The following P3H2 variants were observed in gnomAD, a reference collection of about 807,000 sequenced individuals.
P3H2 encodes leprecan-like 1.
A neutral mutation model predicts 87.0 loss-of-function variants in P3H2; 80 were observed. That is an observed-to-expected ratio of 0.92 (90% CI 0.77 to 1.11). The LOEUF is 1.11. Among genes scored for constraint, P3H2 ranks in the 50% least tolerant of loss-of-function variants. The pLI, the probability that P3H2 is intolerant of heterozygous loss-of-function variation, is 0.00. For missense variants in P3H2, 1,001 were observed against 923.9 expected (o/e 1.08, Z -1.08); for synonymous variants, 367 against 359.3 (o/e 1.02, Z -0.24).
At chr3:190,113,229 C>T (rs1262842437) in intron 1 of P3H2, among the ~76,000 whole-genome samples, 1 of 152,186 alleles carries the variant, frequency 6.6e-6, no homozygotes, top group African/African-American at 2.4e-5. Flanking sequence ...CTGGGCCAAG[C>T]TCCATTTGCT....
intron 1 of P3H2, among the ~76,000 whole-genome samples, chr3:190,007,792 T>A (rs536497751): frequency 5.8e-4 from 82 of 141,762 alleles, no homozygotes; most frequent in African/African-American, 1.9e-3. Context: ...CACATTTCTT[T>A]AGGATACAGC....
chr3:189,989,060 G>A (rs774131430), intron 3 of P3H2, 22 bp from the exon 4 acceptor site: 23 of 1,613,714 alleles, frequency 1.4e-5, no homozygotes, highest in Admixed American at 5.0e-5. Context: ...GAGCCAATAC[G>A]TGTGTTCCTC....
In P3H2 at chr3:190,120,638, G is replaced by A. The variant is rs761648961; in HGVS notation, c.94C>T (p.Arg32Trp). 7.2e-6 allele frequency: 11 copies of A among 1,529,938 alleles called. No homozygotes were observed. The African/African-American group carries it at 9.8e-5, about 14-fold the overall frequency. The allele number at this position is 1,529,938 out of a possible 1,614,324, so 94.8% of individuals were successfully genotyped here. The part of the protein sequence containing the change: ...LWGGPPDSPR[R>W]ELELEPGPLQ... ...GGCCCGGGCTCCAGCTCCAGCTCCC[G>A]GCGTGGGCTGTCCGGGGGGCCGCCC... The change falls in exon 1 of 15, where the codon CGG becomes TGG. Residue 32 changes from arginine (R) to tryptophan (W), a missense_variant. Physicochemically the swap from Arg to Trp is moderately radical, Grantham distance 101. Transcript: ENST00000319332.
In P3H2 at chr3:189,970,902, G is replaced by A. The variant is rs766706242; in HGVS notation, c.1818-11C>T. On this transcript the variant is annotated splice_polypyrimidine_tract_variant and intron_variant, in intron 12 of 14. Coordinates refer to ENST00000319332, the MANE Select transcript of P3H2 (RefSeq NM_018192.4). ...ATATATAGGAGAGCACTATAAGAAT[G>A]AAGAGAAAACTATTTGTATTATTAT... The A allele has an allele frequency of 7.6e-6, 11 of 1,446,736 alleles. No homozygotes were observed. The Middle Eastern group carries it at 8.8e-4, about 115-fold the overall frequency. The allele number at this position is 1,446,736 out of a possible 1,614,324, so 89.6% of individuals were successfully genotyped here.
chr3:190,010,228 C>T (rs1409342061), intron 1 of P3H2, among the ~76,000 whole-genome samples: 2 of 152,056 alleles, frequency 1.3e-5, no homozygotes, highest in African/African-American at 4.8e-5. Context: ...CCCAATTTTG[C>T]AAATAAGAAG....
chr3:189,956,824 A>G lies in P3H2; in HGVS notation c.*1088T>C. ...GGAGGGGCCCCCAAAATATAAGCAG[A>G]TGACGGTTAAAATCAATCAGAAATT... is the stretch of plus-strand genomic sequence containing the variant. On this transcript the variant is annotated 3_prime_UTR_variant, in exon 15 of 15. Coordinates refer to ENST00000319332, the MANE Select transcript of P3H2 (RefSeq NM_018192.4). 3.4e-6 allele frequency: 1 copy of G among 295,226 alleles called. No homozygotes were observed. Among genetic ancestry groups the G allele is most frequent in the Non-Finnish European group, 6.2e-6 (1 of 161,404 alleles). The allele number at this position is 295,226 out of a possible 1,614,324, so 18.3% of individuals were successfully genotyped here. A position where few individuals can be genotyped will look rare whatever the true frequency, so the allele number is the denominator to read the frequency against.
At chr3:190,071,354 T>G (rs1212899834) in intron 1 of P3H2, among the ~76,000 whole-genome samples, 1 of 152,238 alleles carries the variant, frequency 6.6e-6, no homozygotes, top group East Asian at 1.9e-4. Flanking sequence ...GAATTAAAAC[T>G]TAAAATATGT....
intron 7 of P3H2, chr3:189,983,361 C>T (rs1723596045): frequency 1.8e-6 from 1 of 552,504 alleles, no homozygotes; most frequent in Non-Finnish European, 3.2e-6. Context: ...TTCTTAGCAA[C>T]CTTTATTACA....
At chr3:189,995,473 G>C (rs760040277) in intron 1 of P3H2, 31 bp from the exon 2 acceptor site, 1 of 1,604,788 alleles carries the variant, frequency 6.2e-7, no homozygotes, top group Non-Finnish European at 8.5e-7. Flanking sequence ...CCAAAATGAA[G>C]GCAAATATTT....
chr3:189,966,296 T>C (rs1723005059), intron 13 of P3H2, among the ~76,000 whole-genome samples: 1 of 152,226 alleles, frequency 6.6e-6, no homozygotes, highest in Non-Finnish European at 1.5e-5. Context: ...CATTTGCCAA[T>C]GTTTCTATGT....
intron 1 of P3H2, among the ~76,000 whole-genome samples, chr3:190,037,890 G>A (rs977064926): frequency 2.2e-5 from 3 of 134,720 alleles, no homozygotes; most frequent in African/African-American, 5.7e-5. Context: ...TAACAATATC[G>A]ATAAGCCATC....
intron 9 of P3H2, 73 bp downstream of exon 9, chr3:189,974,485 G>C: frequency 6.3e-7 from 1 of 1,593,164 alleles, no homozygotes; most frequent in Non-Finnish European, 8.6e-7. Flanking sequence ...CTCCAGATGA[G>C]ACCAGGACCA....
At chr3:189,966,081 AG>A (rs1337655310) in intron 13 of P3H2, among the ~76,000 whole-genome samples, 2 of 133,150 alleles carry the variant, frequency 1.5e-5, no homozygotes, top group Non-Finnish European at 3.2e-5. Flanking sequence ...AAGGAAAGAA[AG>A]GAAGAAAGAA....
At chr3:190,054,427 G>GA (rs995103802) in intron 1 of P3H2, among the ~76,000 whole-genome samples, 38 of 146,504 alleles carry the variant, frequency 2.6e-4, no homozygotes, top group African/African-American at 6.0e-4. Context: ...GTGGTAGAGA[G>GA]AAAAAAAAAA....
chr3:190,061,114 A>G (rs1197154238), intron 1 of P3H2, among the ~76,000 whole-genome samples: 1 of 152,112 alleles, frequency 6.6e-6, no homozygotes, highest in East Asian at 1.9e-4. Context: ...ACTATAGAGG[A>G]ATATACAAAG....
intron 1 of P3H2, among the ~76,000 whole-genome samples, chr3:190,116,160 T>G (rs1360061739): frequency 6.6e-6 from 1 of 152,116 alleles, no homozygotes; most frequent in Non-Finnish European, 1.5e-5. Flanking sequence ...CTTTTGGGAG[T>G]TGTAGATGGA....
chr3:190,022,057 A>G (rs78559882), intron 1 of P3H2, among the ~76,000 whole-genome samples: 2 of 135,518 alleles, frequency 1.5e-5, no homozygotes, highest in African/African-American at 5.1e-5. Flanking sequence ...CTAGGAATGT[A>G]CAATGACATT....
At chr3:189,994,368 G>A (rs940863725) in intron 2 of P3H2, 85 bp from the exon 3 acceptor site, 25 of 1,136,980 alleles carry the variant, frequency 2.2e-5, no homozygotes, top group South Asian at 1.8e-4. Context: ...AAGGGTTTTT[G>A]TTGACTCAGG....
intron 1 of P3H2, among the ~76,000 whole-genome samples, chr3:190,023,621 T>C: frequency 6.6e-6 from 1 of 152,170 alleles, no homozygotes; most frequent in South Asian, 2.1e-4. Flanking sequence ...TCCCTTGACA[T>C]GGGCGGCGGG....
Sources: allele counts gnomAD v4.1 joint callset (sites outside exome capture counted in the v4.1 genomes callset), GRCh38; gene constraint gnomAD v4.1.1; transcripts MANE v1.5; gene names NCBI Gene and HGNC (gene_info 2026-07-23, HGNC 2026-07-21).